The following EYS variants were observed in gnomAD, a reference collection of about 807,000 sequenced individuals.
EYS encodes protein eyes shut homolog.
A neutral mutation model predicts 282.1 loss-of-function variants in EYS; 250 were observed. The observed-to-expected ratio is 0.89, with a 90% CI of 0.80 to 0.98. EYS has a LOEUF of 0.98. EYS is among the 50% of genes least tolerant of loss of function. EYS has a pLI of 0.00. For missense variants in EYS, 4,016 were observed against 3,709.0 expected (o/e 1.08, Z -2.15); for synonymous variants, 1,355 against 1,282.9 (o/e 1.06, Z -1.20).
chr6:64,066,431 G>A lies in EYS; in HGVS notation c.6632C>T (p.Ser2211Leu), dbSNP rs145623359. 3.4e-4 allele frequency: 531 copies of A among 1,549,446 alleles called. No homozygotes were observed. In the African/African-American group the frequency reaches 4.0e-3, roughly 12 times the overall value. Residue 2211 changes from serine (S) to leucine (L), a missense_variant, in exon 33 of 43, where the codon TCA becomes TTA. By Grantham distance (145) the Ser-to-Leu change is moderately radical (BLOSUM62 -2). Coordinates refer to ENST00000503581, the MANE Select transcript of EYS (RefSeq NM_001142800.2). The stretch of plus-strand genomic sequence containing the variant: ...AGAATTTCCACACCCATATTTAACT[G>A]ATGGCCTTCCTTCCACAAGAAATAA... ...LHLFLVEGRP[S>L]VKYGCGNSQN...
At chr6:64,789,105 T>G (rs561745861) in intron 22 of EYS, among the ~76,000 whole-genome samples, 92 of 152,306 alleles carry the variant, frequency 6.0e-4, no homozygotes, top group African/African-American at 2.2e-3. Flanking sequence ...CAAGCCACCA[T>G]AGTATTTGAC....
At chr6:64,789,168 A>G (rs1774107329) in intron 22 of EYS, among the ~76,000 whole-genome samples, 1 of 152,220 alleles carries the variant, frequency 6.6e-6, no homozygotes, top group African/African-American at 2.4e-5. Context: ...AAACAAATGT[A>G]TTTATCTTTC....
chr6:64,705,718 A>G (rs1310869838), intron 22 of EYS, among the ~76,000 whole-genome samples: 2 of 150,948 alleles, frequency 1.3e-5, no homozygotes, highest in African/African-American at 4.9e-5. Flanking sequence ...TCAGTAAACT[A>G]TCGCAAGAAC....
chr6:65,021,923 AACTC>A (rs768403367), intron 13 of EYS, among the ~76,000 whole-genome samples: 23 of 152,282 alleles, frequency 1.5e-4, no homozygotes, highest in Middle Eastern at 3.4e-3. Flanking sequence ...ACCTTGTGAG[AACTC>A]ACTCACTCAC....
At chr6:65,053,931 G>T (rs1773344857) in intron 13 of EYS, among the ~76,000 whole-genome samples, 1 of 151,870 alleles carries the variant, frequency 6.6e-6, no homozygotes, top group Admixed American at 6.6e-5. Context: ...TTGTTTATGT[G>T]TACTATTTTT....
At chr6:65,147,399 G>C (rs940467863) in intron 12 of EYS, among the ~76,000 whole-genome samples, 3 of 151,918 alleles carry the variant, frequency 2.0e-5, no homozygotes, top group Non-Finnish European at 2.9e-5. Context: ...AGGGATATTA[G>C]AATTTTCGAT....
chr6:64,342,879 A>G (rs951913131), intron 29 of EYS, among the ~76,000 whole-genome samples: 3 of 152,196 alleles, frequency 2.0e-5, no homozygotes, highest in African/African-American at 7.2e-5. Context: ...AGCAAATGGA[A>G]AACAAAAAAA....
intron 11 of EYS, chr6:65,329,355 T>C (rs1769713632): frequency 1.2e-6 from 1 of 865,648 alleles, no homozygotes; most frequent in African/African-American, 1.8e-5. Flanking sequence ...ATATGTACTC[T>C]AGAATTGCTT....
intron 26 of EYS, among the ~76,000 whole-genome samples, chr6:64,569,052 A>G (rs1765642766): frequency 6.6e-6 from 1 of 151,572 alleles, no homozygotes; most frequent in Non-Finnish European, 1.5e-5. Flanking sequence ...AAACAGCAAA[A>G]AAAGGCTGAA....
chr6:65,287,629 A>T (rs1768402769), intron 12 of EYS, among the ~76,000 whole-genome samples: 2 of 151,282 alleles, frequency 1.3e-5, no homozygotes, highest in African/African-American at 2.4e-5. Context: ...ATTAAATCAG[A>T]TTCTGAAAAA....
intron 12 of EYS, among the ~76,000 whole-genome samples, chr6:65,170,131 T>C (rs931102046): frequency 2.6e-5 from 4 of 151,416 alleles, no homozygotes; most frequent in Non-Finnish European, 5.9e-5. Flanking sequence ...AATAAGTCAA[T>C]TACCAAAGAA....
chr6:63,732,225 C>A (rs66752943), intron 41 of EYS, among the ~76,000 whole-genome samples: 13,787 of 151,936 alleles, frequency 0.091, 660 homozygotes, highest in East Asian at 0.16. Context: ...CTGAACTAAA[C>A]CTCAAAAGAA....
Position 65,501,976 on chromosome 6 carries a change from G to A in EYS, c.-332-5983C>T, listed in dbSNP as rs572493118. Among the ~76,000 whole-genome samples the A allele has an allele frequency of 5.3e-5, 8 of 151,544 alleles. No homozygotes were observed. In the South Asian group the frequency reaches 1.2e-3, roughly 24 times the overall value. On this transcript the variant is annotated intron_variant, in intron 2 of 42. Transcript: ENST00000503581. ...TTTTAAATAAATTATGCCTTATTTT[G>A]TACTTCCTTTTCCTTTCTCCACATA...
In EYS at chr6:65,293,639, T is replaced by G. The variant is rs114208090; in HGVS notation, c.2023+2224A>C. On this transcript the variant is annotated intron_variant, in intron 12 of 42. Transcript: ENST00000503581. ...ACATAATTTACTGGGTTTAGAACAG[T>G]TTTCTTAAAGTGGTTCACAGATCAG... 6.9e-3 allele frequency among the ~76,000 whole-genome samples: 1,042 copies of G among 151,920 alleles called. 18 individuals carry two copies. The highest frequency in any genetic ancestry group is 0.024 in the African/African-American group (1,007 of 41,478).
rs1360051865 is a variant in EYS, at chr6:64,196,189, A to G, written c.6424+34403T>C. On this transcript the variant is annotated intron_variant, in intron 31 of 42. Coordinates refer to ENST00000503581, the MANE Select transcript of EYS (RefSeq NM_001142800.2). The stretch of plus-strand genomic sequence containing the variant: ...CAGAGAAATGCAAATCAAAACCACA[A>G]TGAGACACCATCTCACACCAGTTAG... Among the ~76,000 whole-genome samples, 3 of 152,296 alleles carry G rather than the reference A, an allele frequency of 2.0e-5. No homozygotes were observed. The East Asian group carries it at 5.8e-4, about 29-fold the overall frequency.
At chr6:64,612,603 G>A (rs932461215) in intron 24 of EYS, among the ~76,000 whole-genome samples, 21 of 151,970 alleles carry the variant, frequency 1.4e-4, no homozygotes, top group Admixed American at 7.2e-4. Flanking sequence ...GCTTGTCAGA[G>A]ATTGTCATAG....
intron 13 of EYS, among the ~76,000 whole-genome samples, chr6:65,004,698 A>C (rs999990863): frequency 1.4e-5 from 2 of 147,734 alleles, no homozygotes; most frequent in African/African-American, 4.9e-5. Context: ...GAATGAACCA[A>C]TTCTTACAAC....
At chr6:64,896,565 G>A (rs554892243) in intron 18 of EYS, among the ~76,000 whole-genome samples, 9 of 141,892 alleles carry the variant, frequency 6.3e-5, no homozygotes, top group South Asian at 2.2e-4. Flanking sequence ...TTTTTTTTTC[G>A]TATCCCAGTG....
At chr6:63,742,741 T>C (rs1022177168) in intron 41 of EYS, among the ~76,000 whole-genome samples, 5 of 152,318 alleles carry the variant, frequency 3.3e-5, no homozygotes, top group South Asian at 2.1e-4. Flanking sequence ...ATCTGGATTA[T>C]CTATCAGTTC....
Sources: gnomAD v4.1 joint callset for allele counts (sites outside exome capture counted in the v4.1 genomes callset) on GRCh38, gnomAD v4.1.1 for gene constraint, MANE v1.5 for transcripts, NCBI Gene and HGNC (gene_info 2026-07-23, HGNC 2026-07-21) for gene names.